The following MAGI1 variants were observed in gnomAD, a reference collection of about 807,000 sequenced individuals.
MAGI1 encodes the protein membrane-associated guanylate kinase, WW and PDZ domain-containing protein 1.
MAGI1 carries 58 observed loss-of-function variants against 139.9 expected under a neutral mutation model. The observed-to-expected ratio is 0.41, with a 90% CI of 0.34 to 0.52. MAGI1 has a LOEUF of 0.52. Among genes scored for constraint, MAGI1 ranks in the 20% least tolerant of loss-of-function variants. The pLI is 0.12. For synonymous variants in MAGI1, 812 were observed against 737.9 expected (o/e 1.10, Z -1.63); for missense variants, 1,874 against 1,901.6 (o/e 0.99, Z 0.27).
intron 1 of MAGI1, among the ~76,000 whole-genome samples, chr3:65,883,398 T>A (rs896855983): frequency 2.0e-5 from 3 of 152,080 alleles, no homozygotes; most frequent in Non-Finnish European, 4.4e-5. Flanking sequence ...CCCTCAAGAA[T>A]AAACAAGAAT....
chr3:65,920,696 C>T (rs2062133008), intron 1 of MAGI1, among the ~76,000 whole-genome samples: 1 of 152,196 alleles, frequency 6.6e-6, no homozygotes, highest in Admixed American at 6.5e-5. Flanking sequence ...AATTACCCTC[C>T]CCCCATGGGT....
At position 65,729,124 on chromosome 3, in the gene MAGI1, G is replaced by GGC. The variant is rs1195644539; in HGVS notation, c.314-107037_314-107036insGC. Among the ~76,000 whole-genome samples, 3 of 54,390 alleles carry GGC rather than the reference G, an allele frequency of 5.5e-5. 1 individual carries two copies. Among genetic ancestry groups the GGC allele is most frequent in the Non-Finnish European group, 1.1e-4 (3 of 28,304 alleles). The allele number at this position is 54,390 out of a possible 152,430, so 35.7% of individuals were successfully genotyped here. A position where few individuals can be genotyped will look rare whatever the true frequency, so the allele number is the denominator to read the frequency against. On this transcript the variant is annotated intron_variant, in intron 1 of 22. Coordinates refer to ENST00000402939, the MANE Select transcript of MAGI1 (RefSeq NM_001033057.2). The stretch of plus-strand genomic sequence containing the variant: ...AGCAGTTAACAAAAAATGGAACGGG[G>GGC]GGGGGGGGGGGGATGATATTCACTC...
chr3:65,782,040 C>G (rs915878514), intron 1 of MAGI1, among the ~76,000 whole-genome samples: 1 of 152,194 alleles, frequency 6.6e-6, no homozygotes, highest in Non-Finnish European at 1.5e-5. Context: ...TCACATGTCC[C>G]AAGTCTAGAG....
chr3:66,024,870 C>G (rs1473214744), intron 1 of MAGI1, among the ~76,000 whole-genome samples: 1 of 152,078 alleles, frequency 6.6e-6, no homozygotes, highest in African/African-American at 2.4e-5. Flanking sequence ...CATAAATAAA[C>G]AATTCCAGTA....
At chr3:65,686,019 A>G (rs1459049784) in intron 1 of MAGI1, among the ~76,000 whole-genome samples, 2 of 152,056 alleles carry the variant, frequency 1.3e-5, no homozygotes, top group African/African-American at 4.8e-5. Flanking sequence ...CTTTTTCCCC[A>G]ATTGCTAGGG....
Position 65,950,098 on chromosome 3 carries a change from A to AC in MAGI1, c.313+87897_313+87898insG, listed in dbSNP as rs1413129342. Among the ~76,000 whole-genome samples the AC allele has an allele frequency of 4.1e-4, 37 of 89,624 alleles. 2 individuals carry two copies. Among genetic ancestry groups the AC allele is most frequent in the African/African-American group, 1.4e-3 (35 of 24,870 alleles). The allele number at this position is 89,624 out of a possible 152,430, so 58.8% of individuals were successfully genotyped here. On this transcript the variant is annotated intron_variant, in intron 1 of 22. Transcript: ENST00000402939. ...AAAAACAAAAAAAAAAACAAACAAA[A>AC]AAAAAAAACAGAACTAGCAATATTA...
intron 4 of MAGI1, among the ~76,000 whole-genome samples, chr3:65,472,950 T>C (rs1950643555): frequency 6.6e-6 from 1 of 152,234 alleles, no homozygotes; most frequent in Admixed American, 6.5e-5. Flanking sequence ...GGAGCCACAC[T>C]ATCCGAGTTT....
At position 65,552,507 on chromosome 3, in the gene MAGI1, C is replaced by T. The variant is rs912698084; in HGVS notation, c.431-58876G>A. On this transcript the variant is annotated intron_variant, in intron 2 of 22. Transcript: ENST00000402939. The stretch of plus-strand genomic sequence containing the variant: ...CTAACCACTCTTGGATTCTGAGCTA[C>T]ACAACTTGCTAGTTTCATTTGCACT... Among the ~76,000 whole-genome samples, 14 of 152,162 alleles carry T rather than the reference C, an allele frequency of 9.2e-5. No homozygotes were observed. In the South Asian group the frequency reaches 1.2e-3, roughly 14 times the overall value.
chr3:65,459,110 G>A (rs144794111), intron 5 of MAGI1, among the ~76,000 whole-genome samples: 4 of 152,238 alleles, frequency 2.6e-5, no homozygotes, highest in South Asian at 2.1e-4. Flanking sequence ...TGAGTTCACC[G>A]TAGATGTATG....
intron 1 of MAGI1, among the ~76,000 whole-genome samples, chr3:65,846,538 G>GC (rs1274212234): frequency 6.6e-6 from 1 of 152,152 alleles, no homozygotes; most frequent in Non-Finnish European, 1.5e-5. Context: ...TCATAATAGG[G>GC]CCCCACAAAG....
chr3:65,503,927 G>C (rs1031509409), intron 2 of MAGI1, among the ~76,000 whole-genome samples: 1 of 152,156 alleles, frequency 6.6e-6, no homozygotes, highest in Non-Finnish European at 1.5e-5. Flanking sequence ...CTGGAAGCCA[G>C]GTGCTCTCAG....
At chr3:65,535,108 G>A (rs2078902364) in intron 2 of MAGI1, among the ~76,000 whole-genome samples, 1 of 152,018 alleles carries the variant, frequency 6.6e-6, no homozygotes, top group Non-Finnish European at 1.5e-5. Context: ...TGGTGGTGTT[G>A]TTCTTGTTCC....
chr3:65,697,021 A>G (rs1320743358), intron 1 of MAGI1, among the ~76,000 whole-genome samples: 1 of 152,238 alleles, frequency 6.6e-6, no homozygotes, highest in African/African-American at 2.4e-5. Context: ...AATAGACACA[A>G]TGAAAAATGA....
At chr3:65,423,431 C>T (rs553830302) in intron 12 of MAGI1, among the ~76,000 whole-genome samples, 1 of 152,274 alleles carries the variant, frequency 6.6e-6, no homozygotes, top group South Asian at 2.1e-4. Flanking sequence ...ATGCACTTAG[C>T]TAACGAGATT....
intron 1 of MAGI1, among the ~76,000 whole-genome samples, chr3:65,793,898 A>C (rs2039950837): frequency 6.6e-6 from 1 of 152,262 alleles, no homozygotes. Context: ...CTTTGTAGAT[A>C]CAGATGCTGC....
chr3:65,512,528 C>T (rs1341443482), intron 2 of MAGI1, among the ~76,000 whole-genome samples: 2 of 151,740 alleles, frequency 1.3e-5, no homozygotes, highest in African/African-American at 2.4e-5. Context: ...CTACAAACAC[C>T]TCTACGCAAA....
At chr3:65,523,743 C>A (rs1386362653) in intron 2 of MAGI1, among the ~76,000 whole-genome samples, 1 of 152,188 alleles carries the variant, frequency 6.6e-6, no homozygotes, top group African/African-American at 2.4e-5. Flanking sequence ...ATTTTTCTCT[C>A]AGTCCTGGAA....
At chr3:65,523,969 T>A (rs1174923372) in intron 2 of MAGI1, among the ~76,000 whole-genome samples, 1 of 151,728 alleles carries the variant, frequency 6.6e-6, no homozygotes, top group Non-Finnish European at 1.5e-5. Context: ...AACACAGACC[T>A]CAAGTTACTA....
At chr3:65,824,752 G>A (rs898143649) in intron 1 of MAGI1, among the ~76,000 whole-genome samples, 2 of 152,180 alleles carry the variant, frequency 1.3e-5, no homozygotes, top group African/African-American at 2.4e-5. Flanking sequence ...GAAAGGCCAT[G>A]TTACTACAAG....
Sources: gnomAD v4.1 joint callset for allele counts (sites outside exome capture counted in the v4.1 genomes callset) on GRCh38, gnomAD v4.1.1 for gene constraint, MANE v1.5 for transcripts, NCBI Gene and HGNC (gene_info 2026-07-23, HGNC 2026-07-21) for gene names.